GMDS: variants seen among roughly 807,000 people sequenced by gnomAD.
GMDS encodes GDP-mannose 4,6-dehydratase.
A neutral mutation model predicts 49.9 loss-of-function variants in GMDS; 20 were observed. The observed-to-expected ratio is 0.40, with a 90% confidence interval of 0.28 to 0.58. GMDS has a LOEUF of 0.58. Among genes scored for constraint, GMDS ranks in the 20% least tolerant of loss-of-function variants. GMDS has a pLI of 0.42. For synonymous variants in GMDS, 177 were observed against 178.6 expected (o/e 0.99, Z 0.07); for missense variants, 362 against 481.4 (o/e 0.75, Z 2.32).
chr6:2,194,109 G>A (rs560737309), intron 1 of GMDS, among the ~76,000 whole-genome samples: 1 of 152,246 alleles, frequency 6.6e-6, no homozygotes, highest in South Asian at 2.1e-4. Flanking sequence ...AAGTTAGGTA[G>A]TTCCCATGCC....
intron 7 of GMDS, among the ~76,000 whole-genome samples, chr6:1,832,965 C>T (rs533623575): frequency 9.9e-5 from 15 of 152,038 alleles, no homozygotes; most frequent in African/African-American, 2.4e-4. Context: ...TCAGGCCACA[C>T]GAGGAAGGAA....
At chr6:1,889,487 T>C (rs1219309697) in intron 7 of GMDS, among the ~76,000 whole-genome samples, 4 of 152,162 alleles carry the variant, frequency 2.6e-5, no homozygotes, top group Non-Finnish European at 4.4e-5. Context: ...GGACAGTTGG[T>C]TCACTTCCAC....
intron 9 of GMDS, chr6:1,679,040 G>A (rs981776190): frequency 2.0e-5 from 3 of 152,198 alleles, no homozygotes; most frequent in Non-Finnish European, 4.4e-5. Flanking sequence ...TCAGATTTAT[G>A]TAGCTCCAAA....
intron 1 of GMDS, among the ~76,000 whole-genome samples, chr6:2,190,774 G>C (rs1420758565): frequency 6.6e-6 from 1 of 152,190 alleles, no homozygotes; most frequent in Non-Finnish European, 1.5e-5. Flanking sequence ...GGCAGCAGGG[G>C]GCTGTCCACG....
intron 7 of GMDS, among the ~76,000 whole-genome samples, chr6:1,754,846 T>C (rs1339360483): frequency 6.6e-6 from 1 of 152,080 alleles, no homozygotes. Flanking sequence ...TGCTAAAAAC[T>C]CTCAATAAAC....
chr6:2,231,809 T>A (rs1226143394), intron 1 of GMDS, among the ~76,000 whole-genome samples: 2 of 151,992 alleles, frequency 1.3e-5, no homozygotes, highest in South Asian at 2.1e-4. Context: ...TACCTTGGAG[T>A]CAAGAAAAAA....
intron 4 of GMDS, among the ~76,000 whole-genome samples, chr6:1,969,349 G>A (rs2127317943): frequency 6.8e-6 from 1 of 147,090 alleles, no homozygotes; most frequent in East Asian, 2.0e-4. Flanking sequence ...TAATTATCCT[G>A]TAAATGTTAA....
At chr6:1,868,272 A>G (rs1758539244) in intron 7 of GMDS, among the ~76,000 whole-genome samples, 1 of 152,130 alleles carries the variant, frequency 6.6e-6, no homozygotes, top group Admixed American at 6.5e-5. Context: ...GGCGTGATCC[A>G]CCGCACCCGG....
chr6:1,729,368 A>G (rs1766708360), intron 8 of GMDS, among the ~76,000 whole-genome samples: 1 of 147,108 alleles, frequency 6.8e-6, no homozygotes, highest in Non-Finnish European at 1.5e-5. Flanking sequence ...TGTCTGCTGA[A>G]CTTGCATCTT....
intron 4 of GMDS, among the ~76,000 whole-genome samples, chr6:1,998,140 G>C (rs1293364377): frequency 6.6e-6 from 1 of 152,120 alleles, no homozygotes; most frequent in African/African-American, 2.4e-5. Flanking sequence ...CTTCCAGAAT[G>C]TAAAGGAAAA....
intron 4 of GMDS, among the ~76,000 whole-genome samples, chr6:2,104,287 T>C (rs1774094196): frequency 6.6e-6 from 1 of 152,240 alleles, no homozygotes; most frequent in Non-Finnish European, 1.5e-5. Context: ...TGTCCAGAAA[T>C]TCAGTGTATT....
At chr6:1,637,620 C>G (rs1484581926) in intron 9 of GMDS, among the ~76,000 whole-genome samples, 1 of 152,216 alleles carries the variant, frequency 6.6e-6, no homozygotes, top group African/African-American at 2.4e-5. Flanking sequence ...CGTTCCGCAC[C>G]AGCACAGATC....
intron 4 of GMDS, among the ~76,000 whole-genome samples, chr6:2,045,471 T>C (rs538363906): frequency 1.3e-5 from 2 of 152,126 alleles, no homozygotes; most frequent in Admixed American, 6.5e-5. Flanking sequence ...AATTTCAACA[T>C]GATTTATAAT....
chr6:2,016,684 T>C (rs963002657), intron 4 of GMDS, among the ~76,000 whole-genome samples: 2 of 152,294 alleles, frequency 1.3e-5, no homozygotes, highest in Admixed American at 6.5e-5. Flanking sequence ...ACCAAAACCA[T>C]GTTTCCACAA....
At chr6:1,738,589 A>G (rs922687927) in intron 8 of GMDS, among the ~76,000 whole-genome samples, 2 of 152,262 alleles carry the variant, frequency 1.3e-5, no homozygotes, top group African/African-American at 4.8e-5. Context: ...AATGTTCCAG[A>G]TGCTGATTGG....
chr6:2,132,222 C>A (rs1201547978), intron 1 of GMDS, among the ~76,000 whole-genome samples: 1 of 152,010 alleles, frequency 6.6e-6, no homozygotes, highest in Non-Finnish European at 1.5e-5. Flanking sequence ...CTAATAGGAT[C>A]GATCCCTCTA....
intron 1 of GMDS, among the ~76,000 whole-genome samples, chr6:2,136,985 C>A (rs946502052): frequency 1.3e-5 from 2 of 151,484 alleles, no homozygotes; most frequent in Non-Finnish European, 2.9e-5. Flanking sequence ...CATATCGGTT[C>A]AAGTTAAGTA....
In GMDS at chr6:1,851,508, C is replaced by T. The variant is rs183311413; in HGVS notation, c.771+78595G>A. 3.9e-3 allele frequency among the ~76,000 whole-genome samples: 597 copies of T among 152,156 alleles called. 3 individuals are homozygous for T. Among genetic ancestry groups the T allele is most frequent in the African/African-American group, 0.013 (555 of 41,514 alleles). On this transcript the variant is annotated intron_variant, in intron 7 of 10. Transcript: ENST00000380815. ...TTCGGGGCAGGGATTTGTTTCTTTC[C>T]TGTGCTATCTAATTGTTTGAAAACA...
intron 7 of GMDS, among the ~76,000 whole-genome samples, chr6:1,895,866 G>T (rs1054125292): frequency 6.6e-6 from 1 of 152,002 alleles, no homozygotes; most frequent in Non-Finnish European, 1.5e-5. Flanking sequence ...AACATAAAGC[G>T]GTGAAATATG....
Sources: gnomAD v4.1 joint callset for allele counts (sites outside exome capture counted in the v4.1 genomes callset) on GRCh38, gnomAD v4.1.1 for gene constraint, MANE v1.5 for transcripts, NCBI Gene and HGNC (gene_info 2026-07-23, HGNC 2026-07-21) for gene names.